The following AP1M1 variants were observed in gnomAD, a reference collection of about 807,000 sequenced individuals.
AP1M1 encodes the protein adaptor related protein complex 1 subunit mu 1.
AP1M1 carries 18 observed loss-of-function variants against 57.1 expected under a neutral mutation model. The observed-to-expected ratio is 0.32, with a 90% CI of 0.22 to 0.47. The LOEUF (loss-of-function observed/expected upper bound fraction) is 0.47. Ranked by LOEUF, AP1M1 falls within the 20% of genes least tolerant of loss-of-function variation. AP1M1 has a pLI of 1.00. For synonymous variants in AP1M1, 241 were observed against 237.9 expected (o/e 1.01, Z -0.12); for missense variants, 362 against 593.5 (o/e 0.61, Z 4.05).
chr19:16,232,248 C>G (rs1043966296), intron 9 of AP1M1, among the ~76,000 whole-genome samples: 2 of 152,210 alleles, frequency 1.3e-5, no homozygotes, highest in African/African-American at 4.8e-5. Context: ...TCTTCCTACC[C>G]GGGGAGCCCT....
rs2091577714 is a variant in AP1M1 at position 16,227,797 on chromosome 19, A to G, written c.816+107A>G. ...CAGGGCCAGCCCCACCCCACGCTCC[A>G]TGAGCTGCCTGGCTCTGCAGAGATG... On this transcript the variant is annotated intron_variant, in intron 7 of 11. Transcript: ENST00000291439. This position sits in a 1 kb window ranked among gnomAD's most constrained non-coding sequence, Gnocchi z 6.2. The G allele has an allele frequency of 2.2e-6, 3 of 1,379,158 alleles. No individual in the cohort carries two copies. The highest frequency in any genetic ancestry group is 1.9e-5 in the Admixed American group (1 of 53,760). The allele number at this position is 1,379,158 out of a possible 1,614,324, so 85.4% of individuals were successfully genotyped here.
At chr19:16,209,264 C>G (rs2290802) in intron 5 of AP1M1, 87 bp downstream of exon 5, 1,005,160 of 1,509,840 alleles carry the variant, frequency 0.67, 345,913 homozygotes, top group Non-Finnish European at 0.72. Flanking sequence ...GGCAAAGCCC[C>G]GAGAGCCGTT....
rs1046563588 is a variant in AP1M1 at position 16,203,090 on chromosome 19, C to T, written c.43-369C>T. ...GCGGGAGTGGGCGCCCTGACACAGG[C>T]GGGAGAGCAAGGTGCGTTGGCCCGG... is the stretch of plus-strand genomic sequence containing the variant. On this transcript the variant is annotated intron_variant, in intron 1 of 11. Transcript: ENST00000291439. The surrounding 1 kb of genome is among the most constrained non-coding windows in gnomAD (Gnocchi z 4.6). 1.6e-5 allele frequency: 4 copies of T among 248,288 alleles called. No individual in the cohort carries two copies. The highest frequency in any genetic ancestry group is 4.3e-5 in the South Asian group (1 of 23,040). The allele number at this position is 248,288 out of a possible 1,614,324, so 15.4% of individuals were successfully genotyped here.
intron 5 of AP1M1, among the ~76,000 whole-genome samples, chr19:16,223,249 G>A (rs1427845014): frequency 1.3e-5 from 2 of 152,156 alleles, no homozygotes; most frequent in African/African-American, 4.8e-5. Flanking sequence ...GGCGTGCACT[G>A]CCCAGTGGTC....
At chr19:16,209,644 C>T (rs2145120166) in intron 5 of AP1M1, among the ~76,000 whole-genome samples, 1 of 151,836 alleles carries the variant, frequency 6.6e-6, no homozygotes, top group East Asian at 1.9e-4. Context: ...AACTAAAGGG[C>T]TCCTATAATC....
In AP1M1 at chr19:16,240,717, T is replaced by G. The variant is rs1259954167; in HGVS notation, c.*6282T>G. On this transcript the variant is annotated 3_prime_UTR_variant, in exon 12 of 12. Coordinates refer to ENST00000291439, the MANE Select transcript of AP1M1 (RefSeq NM_032493.4). ...TGCCTGCTTCGGCCTCCCAAAGTGC[T>G]GGGATTACAGGCATGAGCCACTGCG... 6.6e-6 allele frequency: 1 copy of G among 152,194 alleles called. No homozygotes were observed. The highest frequency in any genetic ancestry group is 1.5e-5 in the Non-Finnish European group (1 of 68,080). 9.4% of individuals were successfully genotyped at this position (152,194 alleles called of 1,614,324 possible).
In AP1M1 at chr19:16,226,510, G is replaced by T; in HGVS notation, c.636G>T (p.Leu212=). The change falls in exon 6 of 12, where the codon CTG becomes CTT. Residue 212 remains leucine (L), a synonymous_variant. Coordinates refer to ENST00000291439, the MANE Select transcript of AP1M1 (RefSeq NM_032493.4). The part of the protein sequence containing the change: ...VFLSGMPELR[L]GLNDKVLFDN... ...TCTCGGGCATGCCCGAGCTGCGCCT[G>T]GGCCTCAACGACAAGGTCCTCTTTG... 1 of 1,591,224 alleles carries T rather than the reference G, an allele frequency of 6.3e-7. No homozygotes were observed.
At chr19:16,212,730 A>T (rs528155504) in intron 5 of AP1M1, among the ~76,000 whole-genome samples, 2 of 152,316 alleles carry the variant, frequency 1.3e-5, no homozygotes, top group East Asian at 3.9e-4. Context: ...TGATGTGGGC[A>T]TGTAGTGCTG....
intron 9 of AP1M1, 131 bp downstream of exon 9, chr19:16,229,059 T>A: frequency 1.8e-6 from 2 of 1,139,082 alleles, no homozygotes; most frequent in Non-Finnish European, 2.5e-6. Context: ...CTGGGGCTTC[T>A]GAAAGGGTGG....
chr19:16,198,000 C>CCGCTGCCGCCGCCACCGCCCTCGGT lies in AP1M1; in HGVS notation c.-19_-18insCCGCCACCGCCCTCGGTCGCTGCCG. On this transcript the variant is annotated 5_prime_UTR_variant, in exon 1 of 12. Transcript: ENST00000291439. ...TCGCTGCCGCCGCCACCGCCCTCGG[C>CCGCTGCCGCCGCCACCGCCCTCGGT]CGCTGCCGAGGCCTCCTGCAGCCAT... 1.3e-6 allele frequency: 2 copies of CCGCTGCCGCCGCCACCGCCCTCGGT among 1,563,124 alleles called. No homozygotes were observed. The highest frequency in any genetic ancestry group is 1.9e-5 in the Admixed American group (1 of 52,068).
chr19:16,214,035 C>CCTTTT (rs1171925636), intron 5 of AP1M1, among the ~76,000 whole-genome samples: 2 of 142,486 alleles, frequency 1.4e-5, no homozygotes, highest in African/African-American at 2.5e-5. Flanking sequence ...CTAGTAATGG[C>CCTTTT]CTTTTCTTTC....
intron 9 of AP1M1, among the ~76,000 whole-genome samples, chr19:16,231,669 G>C (rs765192353): frequency 6.6e-6 from 1 of 152,086 alleles, no homozygotes; most frequent in Non-Finnish European, 1.5e-5. Flanking sequence ...TGCCTGCTTC[G>C]GCCTCCCAAA....
chr19:16,228,703 G>A lies in AP1M1; in HGVS notation c.889-67G>A, dbSNP rs1460283792. Reference sequence around the variant, plus strand: ...CCCCGGGCCAGGCTGAGGGGCATGTGTCCTGGAGAGGCTGGCCAGCTCACC... The same window carrying A: ...CCCCGGGCCAGGCTGAGGGGCATGTATCCTGGAGAGGCTGGCCAGCTCACC... On this transcript the variant is annotated intron_variant, in intron 8 of 11. Transcript: ENST00000291439. This position sits in a 1 kb window ranked among gnomAD's most constrained non-coding sequence, Gnocchi z 5.0. 6.3e-7 allele frequency: 1 copy of A among 1,589,880 alleles called. No individual in the cohort carries two copies. Among genetic ancestry groups the A allele is most frequent in the Non-Finnish European group, 8.6e-7 (1 of 1,163,796 alleles).
At position 16,228,956 on chromosome 19, in the gene AP1M1, G is replaced by T. The variant is rs1236967605; in HGVS notation, c.1047+28G>T. The T allele has an allele frequency of 6.2e-7, 1 of 1,604,434 alleles. No homozygotes were observed. Among genetic ancestry groups the T allele is most frequent in the South Asian group, 1.1e-5 (1 of 90,792 alleles). On this transcript the variant is annotated intron_variant, in intron 9 of 11. Coordinates refer to ENST00000291439, the MANE Select transcript of AP1M1 (RefSeq NM_032493.4). This position sits in a 1 kb window ranked among gnomAD's most constrained non-coding sequence, Gnocchi z 5.0. The stretch of plus-strand genomic sequence containing the variant: ...GAGCACTCTGTCCAGACATCCACGT[G>T]CCCCCTGCGCCTGTCTCTGCAAGGC...
rs201329546 is a variant in AP1M1 at position 16,228,213 on chromosome 19, G to T, written c.888+5G>T. On this transcript the variant is annotated splice_donor_5th_base_variant and intron_variant, in intron 8 of 11. Coordinates refer to ENST00000291439, the MANE Select transcript of AP1M1 (RefSeq NM_032493.4). The surrounding 1 kb of genome is among the most constrained non-coding windows in gnomAD (Gnocchi z 5.0). ...CGCATCGAGTACATGATCAAGGTGC[G>T]TGGGCCGAGGCCACCCACTGAGGGC... The T allele has an allele frequency of 6.2e-7, 1 of 1,613,216 alleles. No individual in the cohort carries two copies. Among genetic ancestry groups the T allele is most frequent in the Non-Finnish European group, 8.5e-7 (1 of 1,179,968 alleles).
Position 16,221,625 on chromosome 19 carries a change from A to G in AP1M1, c.547-4796A>G, listed in dbSNP as rs547849898. 8.5e-5 allele frequency among the ~76,000 whole-genome samples: 13 copies of G among 152,384 alleles called. No homozygotes were observed. In the South Asian group the frequency reaches 1.0e-3, roughly 12 times the overall value. ...CAAATATCTTGGTTAAAGTACAAGG[A>G]CACAGAATGTACTCATTCCCTTATA... is the stretch of plus-strand genomic sequence containing the variant. On this transcript the variant is annotated intron_variant, in intron 5 of 11. Transcript: ENST00000291439.
chr19:16,226,891 T>G, intron 6 of AP1M1: 5 of 207,740 alleles, frequency 2.4e-5, no homozygotes, highest in East Asian at 1.1e-4. Context: ...CCTTGGGCCC[T>G]AGGTGTGGGC....
rs769280392 is a variant in AP1M1 at position 16,228,764 on chromosome 19, C to T, written c.889-6C>T. On this transcript the variant is annotated splice_region_variant and splice_polypyrimidine_tract_variant and intron_variant, in intron 8 of 11. Transcript: ENST00000291439. This position sits in a 1 kb window ranked among gnomAD's most constrained non-coding sequence, Gnocchi z 5.0. ...TAACCCCGGGCCGCATTGGCCTGGC[C>T]TGCAGGCCAAAAGCCAGTTCAAGCG... 8 of 1,613,622 alleles carry T rather than the reference C, an allele frequency of 5.0e-6. No homozygotes were observed. The highest frequency in any genetic ancestry group is 6.8e-6 in the Non-Finnish European group (8 of 1,179,994).
chr19:16,226,354 T>C, intron 5 of AP1M1, 67 bp from the exon 6 acceptor site: 1 of 1,492,022 alleles, frequency 6.7e-7, no homozygotes, highest in South Asian at 1.2e-5. Context: ...GAGGGTCACA[T>C]GATGTGGTAG....
Sources: allele counts gnomAD v4.1 joint callset (sites outside exome capture counted in the v4.1 genomes callset), GRCh38; gene constraint gnomAD v4.1.1; non-coding constraint Gnocchi (gnomAD v3.1); transcripts MANE v1.5; gene names NCBI Gene and HGNC (gene_info 2026-07-23, HGNC 2026-07-21).